TRIM67: variants seen among roughly 807,000 people sequenced by gnomAD.
The protein encoded by TRIM67 is tripartite motif containing 67, also known as tripartite motif-containing protein 67.
A neutral mutation model predicts 71.0 loss-of-function variants in TRIM67; 39 were observed. That is an observed-to-expected ratio of 0.55 (90% confidence interval 0.43 to 0.72). TRIM67 has a LOEUF of 0.72. TRIM67 is among the 30% of genes least tolerant of loss of function. The probability of loss-of-function intolerance (pLI) is 0.00; values close to 1 mark genes in which losing one functional copy is unlikely to be tolerated. For synonymous variants in TRIM67, 481 were observed against 473.9 expected, an observed-to-expected ratio of 1.01 and a Z score of -0.19; for missense variants, 973 against 1,079.2, an observed-to-expected ratio of 0.90 and a Z score of 1.38.
chr1:231,177,189 A>G (rs184860493), intron 1 of TRIM67, among the ~76,000 whole-genome samples: 1 of 152,344 alleles, frequency 6.6e-6, no homozygotes, highest in East Asian at 1.9e-4. Context: ...ATCCTTAGGT[A>G]TGAATGAGCA....
chr1:231,210,480 C>T (rs1045504877), intron 8 of TRIM67, among the ~76,000 whole-genome samples: 3 of 151,462 alleles, frequency 2.0e-5, no homozygotes, highest in Admixed American at 6.6e-5. Flanking sequence ...GGGGAAGAGG[C>T]GGGCAGCTCT....
chr1:231,177,512 G>T (rs895091980), intron 1 of TRIM67, among the ~76,000 whole-genome samples: 1 of 152,180 alleles, frequency 6.6e-6, no homozygotes, highest in East Asian at 1.9e-4. Context: ...GCTTGTTCTT[G>T]GTGTTATCAG....
chr1:231,188,210 CAGG>C (rs1198612481), intron 1 of TRIM67, among the ~76,000 whole-genome samples: 1 of 152,202 alleles, frequency 6.6e-6, no homozygotes, highest in Non-Finnish European at 1.5e-5. Flanking sequence ...GGGACAGGAG[CAGG>C]AGGAGGTGGT....
intron 1 of TRIM67, among the ~76,000 whole-genome samples, chr1:231,187,272 G>A (rs73114190): frequency 0.19 from 28,570 of 151,922 alleles, 3,725 homozygotes; most frequent in African/African-American, 0.38. Context: ...GTAGGATTTC[G>A]GGATAAAAGG....
chr1:231,167,984 C>T (rs192035162), intron 1 of TRIM67, among the ~76,000 whole-genome samples: 9 of 151,182 alleles, frequency 6.0e-5, no homozygotes, highest in African/African-American at 2.2e-4. Flanking sequence ...TATTTTGAGA[C>T]AGGGTCTCTC....
At chr1:231,169,851 T>TCAC (rs147974220) in intron 1 of TRIM67, among the ~76,000 whole-genome samples, 9,080 of 152,256 alleles carry the variant, frequency 0.06, 462 homozygotes, top group East Asian at 0.25. Flanking sequence ...CTGCAGCACT[T>TCAC]CACACCATCT....
At position 231,215,749 on chromosome 1, in the gene TRIM67, G is replaced by A. The variant is rs1683999595; in HGVS notation, c.*309G>A. Reference sequence around the variant, plus strand: ...GTCAGCATTCGGGCTTCATGTCTATGTTTCCTGCCATCTGTTTTCAAAGCT... The same window carrying A: ...GTCAGCATTCGGGCTTCATGTCTATATTTCCTGCCATCTGTTTTCAAAGCT... On this transcript the variant is annotated 3_prime_UTR_variant, in exon 10 of 10. Transcript: ENST00000366653. 1.7e-6 allele frequency: 2 copies of A among 1,163,630 alleles called. No individual in the cohort carries two copies. The highest frequency in any genetic ancestry group is 8.4e-5 in the South Asian group (2 of 23,744). 72.1% of individuals were successfully genotyped at this position (1,163,630 alleles called of 1,614,324 possible). A position where few individuals can be genotyped will look rare whatever the true frequency, so the allele number is the denominator to read the frequency against.
In TRIM67 at chr1:231,186,323, T is replaced by A. The variant is rs546822679; in HGVS notation, c.1045-11048T>A. ...ATCGGGCCTGACCTGGATTCCTGGT[T>A]TCAGCAGCGCATCCGTGGACCTCCT... On this transcript the variant is annotated intron_variant, in intron 1 of 9. Transcript: ENST00000366653. 1.1e-4 allele frequency: 76 copies of A among 664,052 alleles called. 1 individual carries two copies. The highest frequency in any genetic ancestry group is 1.6e-4 in the Non-Finnish European group (63 of 389,378). 41.1% of individuals were successfully genotyped at this position (664,052 alleles called of 1,614,324 possible). A position where few individuals can be genotyped will look rare whatever the true frequency, so the allele number is the denominator to read the frequency against.
chr1:231,184,865 G>A, intron 1 of TRIM67: 1 of 682,106 alleles, frequency 1.5e-6, no homozygotes. Flanking sequence ...ATTCACACGT[G>A]AGGACACGAA....
chr1:231,163,749 C>G lies in TRIM67; in HGVS notation c.780C>G (p.Pro260=). The G allele has an allele frequency of 1.3e-6, 2 of 1,493,518 alleles. No individual in the cohort carries two copies. The highest frequency in any genetic ancestry group is 2.6e-5 in the South Asian group (2 of 78,388). The allele number at this position is 1,493,518 out of a possible 1,614,324, so 92.5% of individuals were successfully genotyped here. A position where few individuals can be genotyped will look rare whatever the true frequency, so the allele number is the denominator to read the frequency against. The change falls in exon 1 of 10, where the codon CCC becomes CCG. Residue 260 remains proline (P), a synonymous_variant. Transcript: ENST00000366653. ...AGCCGCCGCCGCCGCCGCCGCCGCC[C>G]GCCGAGGCAGCCTCCGGGCCCACTG... The part of the protein sequence containing the change: ...LVQPPPPPPP[P]AEAASGPTGT...
In TRIM67 at chr1:231,209,268, C is replaced by T; in HGVS notation, c.2123+18C>T. The T allele has an allele frequency of 6.6e-7, 1 of 1,523,364 alleles. No homozygotes were observed. Among genetic ancestry groups the T allele is most frequent in the Non-Finnish European group, 8.8e-7 (1 of 1,130,164 alleles). 94.4% of individuals were successfully genotyped at this position (1,523,364 alleles called of 1,614,324 possible). On this transcript the variant is annotated intron_variant, in intron 8 of 9. Transcript: ENST00000366653. The surrounding 1 kb of genome is among the most constrained non-coding windows in gnomAD (Gnocchi z 4.1). ...ACCAACAGGTGCGATTGGGCCCCAT[C>T]CTGCCTCCCGTGGACACAGGTTGTT...
At chr1:231,176,911 A>AAAAAAAAAAAAACAAAAAAAAC in intron 1 of TRIM67, among the ~76,000 whole-genome samples, 1 of 151,204 alleles carries the variant, frequency 6.6e-6, no homozygotes, top group African/African-American at 2.4e-5. Flanking sequence ...TCTGGCAAAA[A>AAAAAAAAAAAAACAAAAAAAAC]AAAAAAAAAA....
At chr1:231,171,556 AC>A (rs1279348128) in intron 1 of TRIM67, among the ~76,000 whole-genome samples, 3 of 152,020 alleles carry the variant, frequency 2.0e-5, no homozygotes, top group African/African-American at 7.3e-5. Context: ...TAACAAGGGA[AC>A]CTCAGGAATA....
At chr1:231,210,153 C>G (rs965097561) in intron 8 of TRIM67, among the ~76,000 whole-genome samples, 1 of 152,196 alleles carries the variant, frequency 6.6e-6, no homozygotes, top group African/African-American at 2.4e-5. Context: ...CTGAAGCCAC[C>G]TCCTTGCTAT....
intron 1 of TRIM67, among the ~76,000 whole-genome samples, chr1:231,195,671 T>G (rs1330108002): frequency 6.6e-6 from 1 of 152,214 alleles, no homozygotes; most frequent in African/African-American, 2.4e-5. Context: ...TTCCTTGTAT[T>G]TCCACCTACT....
chr1:231,213,020 T>A (rs1683915873), intron 8 of TRIM67, among the ~76,000 whole-genome samples: 1 of 152,082 alleles, frequency 6.6e-6, no homozygotes, highest in African/African-American at 2.4e-5. Flanking sequence ...TGAGGGACCC[T>A]AGGATGTTTC....
chr1:231,207,652 G>A (rs1250240119), intron 7 of TRIM67, among the ~76,000 whole-genome samples: 1 of 152,170 alleles, frequency 6.6e-6, no homozygotes, highest in East Asian at 1.9e-4. Context: ...GCAGGGAGGA[G>A]TAGGAGCATG....
chr1:231,216,127 C>G lies in TRIM67; in HGVS notation c.*687C>G. On this transcript the variant is annotated 3_prime_UTR_variant, in exon 10 of 10. Coordinates refer to ENST00000366653, the MANE Select transcript of TRIM67 (RefSeq NM_001004342.5). Reference sequence around the variant, plus strand: ...TGTTCTCTCTCTCTCTTCCTCCATCCTTCATTTCTTCTCCCTCCCTCCTTC... The same window carrying G: ...TGTTCTCTCTCTCTCTTCCTCCATCGTTCATTTCTTCTCCCTCCCTCCTTC... 1 of 982,808 alleles carries G rather than the reference C, an allele frequency of 1.0e-6. No individual in the cohort carries two copies. The highest frequency in any genetic ancestry group is 1.2e-6 in the Non-Finnish European group (1 of 827,698). The allele number at this position is 982,808 out of a possible 1,614,324, so 60.9% of individuals were successfully genotyped here. A position where few individuals can be genotyped will look rare whatever the true frequency, so the allele number is the denominator to read the frequency against.
chr1:231,183,241 T>C (rs914564059), intron 1 of TRIM67, among the ~76,000 whole-genome samples: 1 of 152,190 alleles, frequency 6.6e-6, no homozygotes, highest in Non-Finnish European at 1.5e-5. Flanking sequence ...CCACTAAATC[T>C]GCTAGAGTCC....
Sources: allele counts gnomAD v4.1 joint callset (sites outside exome capture counted in the v4.1 genomes callset), GRCh38; gene constraint gnomAD v4.1.1; non-coding constraint Gnocchi (gnomAD v3.1); transcripts MANE v1.5; gene names NCBI Gene and HGNC (gene_info 2026-07-23, HGNC 2026-07-21).